Variants in IDO2 observed in about 807,000 individuals in gnomAD.
The protein encoded by IDO2 is indoleamine 2,3-dioxygenase 2.
Under a neutral mutation model 45.1 loss-of-function variants are expected in IDO2, and 46 were observed. The ratio of observed to expected loss-of-function variants is 1.02; its 90% CI spans 0.80 to 1.30. The LOEUF (loss-of-function observed/expected upper bound fraction) is 1.30. IDO2 is among the 50% of genes most tolerant of loss of function. IDO2 has a pLI of 0.00. For missense variants in IDO2, 544 were observed against 491.8 expected, an observed-to-expected ratio of 1.11 and a Z score of -1.00; for synonymous variants, 218 against 184.9, an observed-to-expected ratio of 1.18 and a Z score of -1.45.
chr8:39,942,893 G>GA (rs1351567947), intron 1 of IDO2, among the ~76,000 whole-genome samples: 1 of 152,038 alleles, frequency 6.6e-6, no homozygotes, highest in African/African-American at 2.4e-5. Flanking sequence ...GGGAATGGAT[G>GA]AAAAAAACCA....
At chr8:40,003,385 A>T (rs1802169509) in intron 8 of IDO2, among the ~76,000 whole-genome samples, 1 of 97,644 alleles carries the variant, frequency 1.0e-5, no homozygotes, top group Non-Finnish European at 2.3e-5. Context: ...AAAAAAAAAA[A>T]AAAAAAGAAA....
intron 2 of IDO2, among the ~76,000 whole-genome samples, chr8:39,955,064 A>G (rs896013514): frequency 2.0e-5 from 3 of 151,190 alleles, no homozygotes; most frequent in Non-Finnish European, 4.4e-5. Context: ...TCAAGGGCCT[A>G]TCTCCAAATA....
chr8:39,985,720 T>C lies in IDO2; in HGVS notation c.449+198T>C, dbSNP rs1389528509. On this transcript the variant is annotated intron_variant, in intron 6 of 10. Coordinates refer to ENST00000502986, the Ensembl canonical transcript of IDO2. ...TAACAGTGATTGCCTCTTCCTTGTA[T>C]AGATAAGGGATTTTTTTTTACTGTA... 5 of 564,338 alleles carry C rather than the reference T, an allele frequency of 8.9e-6. No individual in the cohort carries two copies. The East Asian group carries it at 1.5e-4, about 17-fold the overall frequency. The allele number at this position is 564,338 out of a possible 1,614,324, so 35.0% of individuals were successfully genotyped here.
At chr8:39,959,363 C>T (rs1427001694) in intron 2 of IDO2, among the ~76,000 whole-genome samples, 1 of 117,362 alleles carries the variant, frequency 8.5e-6, no homozygotes, top group Non-Finnish European at 1.9e-5. Context: ...ATCTGCCTAC[C>T]TTGGCCTCCC....
Position 39,958,687 on chromosome 8 carries a change from G to C in IDO2, c.100-4921G>C, listed in dbSNP as rs555699809. 2.6e-5 allele frequency among the ~76,000 whole-genome samples: 4 copies of C among 152,282 alleles called. No homozygotes were observed. In the South Asian group the frequency reaches 8.3e-4, roughly 32 times the overall value. On this transcript the variant is annotated intron_variant, in intron 2 of 10. Coordinates refer to ENST00000502986, the Ensembl canonical transcript of IDO2. The stretch of plus-strand genomic sequence containing the variant: ...GCTCGTCTTGAACCTCTGACCTCAA[G>C]TGATCTGCCCATCTCAGCCTCCCAA...
At chr8:39,979,765 T>G (rs999476133) in intron 4 of IDO2, among the ~76,000 whole-genome samples, 2 of 152,204 alleles carry the variant, frequency 1.3e-5, no homozygotes, top group Non-Finnish European at 2.9e-5. Context: ...GAATGTTTGT[T>G]TGTTTGTTTT....
intron 3 of IDO2, among the ~76,000 whole-genome samples, chr8:39,968,928 C>T (rs1259587906): frequency 6.7e-6 from 1 of 149,684 alleles, no homozygotes; most frequent in Non-Finnish European, 1.5e-5. Context: ...AACTGGACTA[C>T]AAATGCACTA....
In IDO2 at chr8:40,005,317, G is replaced by T; in HGVS notation, c.668-10G>T. The T allele has an allele frequency of 6.4e-7, 1 of 1,563,824 alleles. No homozygotes were observed. The highest frequency in any genetic ancestry group is 1.2e-5 in the South Asian group (1 of 81,812). On this transcript the variant is annotated splice_polypyrimidine_tract_variant and intron_variant, in intron 8 of 10. Coordinates refer to ENST00000502986, the Ensembl canonical transcript of IDO2. ...CTGTAGTAAAGTTCACATTTTGATT[G>T]CTTCTCCAGATTATGTAGATCCAGA...
intron 8 of IDO2, among the ~76,000 whole-genome samples, chr8:39,994,604 C>T (rs895071405): frequency 4.6e-5 from 7 of 151,792 alleles, no homozygotes; most frequent in Non-Finnish European, 8.8e-5. Flanking sequence ...TACTAAACTC[C>T]GATTAGCCCA....
At chr8:39,955,753 C>T (rs1807882815) in intron 2 of IDO2, among the ~76,000 whole-genome samples, 1 of 152,170 alleles carries the variant, frequency 6.6e-6, no homozygotes, top group African/African-American at 2.4e-5. Flanking sequence ...TTCAGCAAAA[C>T]TTTGTTGCTA....
At chr8:39,997,100 C>T (rs962784287) in intron 8 of IDO2, among the ~76,000 whole-genome samples, 1 of 152,120 alleles carries the variant, frequency 6.6e-6, no homozygotes, top group African/African-American at 2.4e-5. Flanking sequence ...AACTATTATG[C>T]AAGATATACA....
chr8:39,985,033 G>T (rs1480494531), intron 5 of IDO2: 2 of 335,526 alleles, frequency 6.0e-6, no homozygotes, highest in Non-Finnish European at 5.6e-6. Flanking sequence ...CTGGGTTTGA[G>T]CAATTCTCCT....
chr8:39,996,887 T>A (rs1351373004), intron 8 of IDO2, among the ~76,000 whole-genome samples: 1 of 152,158 alleles, frequency 6.6e-6, no homozygotes, highest in African/African-American at 2.4e-5. Flanking sequence ...TAACAAAAGC[T>A]CCAATAACTA....
intron 2 of IDO2, among the ~76,000 whole-genome samples, 156 bp from the exon 3 acceptor site, chr8:39,963,452 G>T (rs1333264767): frequency 6.6e-6 from 1 of 152,166 alleles, no homozygotes; most frequent in Non-Finnish European, 1.5e-5. Flanking sequence ...TATCTGAGGT[G>T]AGCACAGGGC....
chr8:39,978,290 A>C (rs1263550264), intron 3 of IDO2, among the ~76,000 whole-genome samples: 1 of 152,078 alleles, frequency 6.6e-6, no homozygotes, highest in African/African-American at 2.4e-5. Flanking sequence ...GGAGGGGACC[A>C]CCCGGGAAGA....
chr8:39,983,630 G>A (rs1247205930), intron 5 of IDO2, among the ~76,000 whole-genome samples: 1 of 152,156 alleles, frequency 6.6e-6, no homozygotes, highest in African/African-American at 2.4e-5. Flanking sequence ...TTGGGAGGCT[G>A]AGGCAGGTGG....
chr8:39,977,320 G>C lies in IDO2; in HGVS notation c.196-1747G>C, dbSNP rs148544938. On this transcript the variant is annotated intron_variant, in intron 3 of 10. Coordinates refer to ENST00000502986, the Ensembl canonical transcript of IDO2. ...ATGAACTACCTGGTTTCGGCTAAGA[G>C]AGTGTCAATAAATTTAAAATGTACT... Among the ~76,000 whole-genome samples the C allele has an allele frequency of 1.9e-3, 284 of 152,326 alleles. 5 individuals are homozygous for C. The highest frequency in any genetic ancestry group is 1.9e-3 in the East Asian group (10 of 5,188).
At chr8:40,015,534 G>C in exon 11 of IDO2, 2 of 1,613,894 alleles carry the variant, frequency 1.2e-6, no homozygotes, top group Non-Finnish European at 8.5e-7. Flanking sequence ...AGGTGGAACC[G>C]CAGTTATGAG....
At chr8:39,990,242 T>C (rs888231405) in intron 8 of IDO2, among the ~76,000 whole-genome samples, 1 of 152,154 alleles carries the variant, frequency 6.6e-6, no homozygotes, top group Non-Finnish European at 1.5e-5. Context: ...TAACCCCCTG[T>C]GTTGGTTCCT....
Sources: allele counts gnomAD v4.1 joint callset (sites outside exome capture counted in the v4.1 genomes callset), GRCh38; gene constraint gnomAD v4.1.1; transcripts MANE v1.5; gene names NCBI Gene and HGNC (gene_info 2026-07-23, HGNC 2026-07-21).